Variants in ATXN10 observed in about 807,000 individuals in gnomAD.
ATXN10 encodes the protein ataxin 10.
Under a neutral mutation model 52.9 loss-of-function variants are expected in ATXN10, and 28 were observed. That is an observed-to-expected ratio of 0.53 (90% CI 0.39 to 0.73). ATXN10 has a LOEUF of 0.73. Among genes scored for constraint, ATXN10 ranks in the 30% least tolerant of loss-of-function variants. The pLI is 0.00. For missense variants in ATXN10, 565 were observed against 577.0 expected (o/e 0.98, Z 0.21); for synonymous variants, 226 against 221.5 (o/e 1.02, Z -0.18).
Position 45,769,760 on chromosome 22 carries a change from A to G in ATXN10, c.1173+29222A>G, listed in dbSNP as rs1161886730. On this transcript the variant is annotated intron_variant, in intron 9 of 11. Coordinates refer to ENST00000252934, the MANE Select transcript of ATXN10 (RefSeq NM_013236.4). The surrounding 1 kb of genome is among the most constrained non-coding windows in gnomAD (Gnocchi z 4.2). ...TTGCCTTCTCGAGTAGCCTGACAAG[A>G]TGTCTGCCAGGTGCTCAGAAAATAT... Among the ~76,000 whole-genome samples, 3 of 152,138 alleles carry G rather than the reference A, an allele frequency of 2.0e-5. No homozygotes were observed. Among genetic ancestry groups the G allele is most frequent in the Admixed American group, 6.5e-5 (1 of 15,270 alleles).
intron 1 of ATXN10, chr22:45,680,263 CGTT>C (rs1176138021): frequency 2.0e-5 from 3 of 152,136 alleles, no homozygotes; most frequent in African/African-American, 7.2e-5. Flanking sequence ...TTAGCGTTTT[CGTT>C]GTTGGTGTCA....
Position 45,828,701 on chromosome 22 carries a change from C to T in ATXN10, c.1238-14290C>T, listed in dbSNP as rs888090278. Among the ~76,000 whole-genome samples the T allele has an allele frequency of 1.3e-5, 2 of 151,996 alleles. No homozygotes were observed. The highest frequency in any genetic ancestry group is 6.6e-5 in the Admixed American group (1 of 15,258). On this transcript the variant is annotated intron_variant, in intron 10 of 11. Transcript: ENST00000252934. The surrounding 1 kb of genome is among the most constrained non-coding windows in gnomAD (Gnocchi z 4.5). ...AACCTATTATAAAATATGGATAGACCTAGTTATAGTAAGTACTATAGTAAG... is the reference window on the plus strand; with the variant it reads ...AACCTATTATAAAATATGGATAGACTTAGTTATAGTAAGTACTATAGTAAG...
In ATXN10 at chr22:45,701,025, G is replaced by A. The variant is rs185626411; in HGVS notation, c.488+647G>A. On this transcript the variant is annotated intron_variant, in intron 4 of 11. Transcript: ENST00000252934. The surrounding 1 kb of genome is among the most constrained non-coding windows in gnomAD (Gnocchi z 4.2). The stretch of plus-strand genomic sequence containing the variant: ...AAGAAATTGAGCATTGAGGTAAAAG[G>A]TGAGCAGGGAATAGAGTCAGTATAC... Among the ~76,000 whole-genome samples the A allele has an allele frequency of 2.6e-5, 4 of 152,300 alleles. No individual in the cohort carries two copies. In the East Asian group the frequency reaches 7.7e-4, roughly 29 times the overall value.
At chr22:45,749,596 C>G (rs569918877) in intron 9 of ATXN10, among the ~76,000 whole-genome samples, 2 of 151,958 alleles carry the variant, frequency 1.3e-5, no homozygotes, top group East Asian at 1.9e-4. Context: ...GGGTCTTGCT[C>G]TGTTGCTCAG....
chr22:45,696,810 T>C lies in ATXN10; in HGVS notation c.392-3472T>C, dbSNP rs866050923. Among the ~76,000 whole-genome samples the C allele has an allele frequency of 6.6e-6, 1 of 152,326 alleles. No homozygotes were observed. The highest frequency in any genetic ancestry group is 1.5e-5 in the Non-Finnish European group (1 of 68,024). The stretch of plus-strand genomic sequence containing the variant: ...CAGGATTACTTTCCACTGAAGCAGG[T>C]AGATGACCTAAGAAAAAATTTAACG... On this transcript the variant is annotated intron_variant, in intron 3 of 11. Coordinates refer to ENST00000252934, the MANE Select transcript of ATXN10 (RefSeq NM_013236.4). The surrounding 1 kb of genome is among the most constrained non-coding windows in gnomAD (Gnocchi z 4.7).
At chr22:45,753,318 G>A (rs542481443) in intron 9 of ATXN10, among the ~76,000 whole-genome samples, 15 of 146,042 alleles carry the variant, frequency 1.0e-4, no homozygotes, top group African/African-American at 3.8e-4. Context: ...TATTCACAGA[G>A]CGATTTGCTT....
chr22:45,748,137 C>T (rs1305192342), intron 9 of ATXN10, among the ~76,000 whole-genome samples: 2 of 151,874 alleles, frequency 1.3e-5, no homozygotes, highest in African/African-American at 2.4e-5. Flanking sequence ...CGTGATCGTG[C>T]CACTGCACTC....
At position 45,697,715 on chromosome 22, in the gene ATXN10, C is replaced by T. The variant is rs543394325; in HGVS notation, c.392-2567C>T. Among the ~76,000 whole-genome samples, 387 of 152,258 alleles carry T rather than the reference C, an allele frequency of 2.5e-3. 3 individuals are homozygous for T. Among genetic ancestry groups the T allele is most frequent in the African/African-American group, 8.7e-3 (362 of 41,560 alleles). Reference sequence around the variant, plus strand: ...GGCGATCTCGGCTCACTGCAGGCTCCGCCCCCTGGGGTTCACGCCATTCTC... The same window carrying T: ...GGCGATCTCGGCTCACTGCAGGCTCTGCCCCCTGGGGTTCACGCCATTCTC... On this transcript the variant is annotated intron_variant, in intron 3 of 11. Transcript: ENST00000252934.
intron 9 of ATXN10, 190 bp downstream of exon 9, chr22:45,740,728 A>C: frequency 2.5e-6 from 1 of 399,480 alleles, no homozygotes; most frequent in Non-Finnish European, 4.3e-6. Context: ...ACATATATAT[A>C]CACACACACA....
At chr22:45,797,001 T>C (rs542713023) in intron 9 of ATXN10, among the ~76,000 whole-genome samples, 1 of 152,322 alleles carries the variant, frequency 6.6e-6, no homozygotes, top group East Asian at 1.9e-4. Context: ...TGATATTTCA[T>C]AATGATTAAA....
chr22:45,748,245 C>T (rs937193191), intron 9 of ATXN10, among the ~76,000 whole-genome samples: 4 of 152,014 alleles, frequency 2.6e-5, no homozygotes, highest in Non-Finnish European at 5.9e-5. Context: ...CGTGTCCCTC[C>T]TCTTACCCTC....
intron 9 of ATXN10, among the ~76,000 whole-genome samples, chr22:45,751,527 G>A (rs1460152393): frequency 1.3e-5 from 2 of 151,758 alleles, no homozygotes; most frequent in Non-Finnish European, 2.9e-5. Context: ...TAAAGGAATA[G>A]GCATTTGAAT....
rs1307366621 is a variant in ATXN10 at position 45,684,335 on chromosome 22, G to C, written c.117-5377G>C. ...ATGTGATGAGGACAGTGGGAAAGAG[G>C]AAGTGTGTGGTTTTTGGGGAGTGGG... On this transcript the variant is annotated intron_variant, in intron 1 of 11. Coordinates refer to ENST00000252934, the MANE Select transcript of ATXN10 (RefSeq NM_013236.4). This position sits in a 1 kb window ranked among gnomAD's most constrained non-coding sequence, Gnocchi z 4.1. Among the ~76,000 whole-genome samples, 1 of 152,082 alleles carries C rather than the reference G, an allele frequency of 6.6e-6. No individual in the cohort carries two copies. The highest frequency in any genetic ancestry group is 2.4e-5 in the African/African-American group (1 of 41,408).
At chr22:45,838,104 T>G (rs779939757) in intron 10 of ATXN10, among the ~76,000 whole-genome samples, 5 of 152,262 alleles carry the variant, frequency 3.3e-5, no homozygotes, top group Non-Finnish European at 7.3e-5. Context: ...CTTACCTGAC[T>G]GTACTTTAAA....
chr22:45,824,115 C>T lies in ATXN10; in HGVS notation c.1237+17093C>T, dbSNP rs1928742536. ...CCTTCCTACCTTCCTTTGCCTTCCC[C>T]ACGCTCTTACCTGCTGAGTGTAGTC... On this transcript the variant is annotated intron_variant, in intron 10 of 11. Transcript: ENST00000252934. The surrounding 1 kb of genome is among the most constrained non-coding windows in gnomAD (Gnocchi z 5.2). 6.6e-6 allele frequency among the ~76,000 whole-genome samples: 1 copy of T among 152,110 alleles called. No homozygotes were observed. Among genetic ancestry groups the T allele is most frequent in the Non-Finnish European group, 1.5e-5 (1 of 68,014 alleles).
rs775229343 is a variant in ATXN10, at chr22:45,843,143, C to G, written c.1390C>G (p.Leu464Val). 2.2e-5 allele frequency: 36 copies of G among 1,614,088 alleles called. No homozygotes were observed. The highest frequency in any genetic ancestry group is 3.0e-5 in the Non-Finnish European group (35 of 1,179,946). Reference sequence around the variant, plus strand: ...TGAAGTTGAAAAGAAAGGCGAAAAGCTGATCCTGAAATCTACTAGAGACAC... The same window carrying G: ...TGAAGTTGAAAAGAAAGGCGAAAAGGTGATCCTGAAATCTACTAGAGACAC... ...GFEVEKKGEK[L>V]ILKSTRDTPK... The change falls in exon 11 of 12, where the codon CTG (leucine) becomes GTG (valine). Residue 464 changes from leucine to valine, a missense_variant. Coordinates refer to ENST00000252934, the MANE Select transcript of ATXN10 (RefSeq NM_013236.4). This position sits in a 1 kb window ranked among gnomAD's most constrained non-coding sequence, Gnocchi z 4.5.
At chr22:45,689,399 G>A in intron 1 of ATXN10, 1 of 393,052 alleles carries the variant, frequency 2.5e-6, no homozygotes, top group Non-Finnish European at 4.8e-6. Context: ...CCAGTTACTG[G>A]CTGAGTGATT....
chr22:45,768,285 A>T (rs1199806636), intron 9 of ATXN10, among the ~76,000 whole-genome samples: 2 of 152,102 alleles, frequency 1.3e-5, no homozygotes, highest in East Asian at 1.9e-4. Context: ...GGACATATAG[A>T]TGTACAAGAA....
Position 45,770,437 on chromosome 22 carries a change from G to T in ATXN10, c.1173+29899G>T, listed in dbSNP as rs533720985. On this transcript the variant is annotated intron_variant, in intron 9 of 11. Transcript: ENST00000252934. This position sits in a 1 kb window ranked among gnomAD's most constrained non-coding sequence, Gnocchi z 4.5. Reference sequence around the variant, plus strand: ...ATATACACACTAATGGGACACACACGTGTGTTTCTGTGTCTGTGAATGTGT... The same window carrying T: ...ATATACACACTAATGGGACACACACTTGTGTTTCTGTGTCTGTGAATGTGT... Among the ~76,000 whole-genome samples, 2 of 152,220 alleles carry T rather than the reference G, an allele frequency of 1.3e-5. No homozygotes were observed. Among genetic ancestry groups the T allele is most frequent in the Admixed American group, 6.5e-5 (1 of 15,284 alleles).
Sources: allele counts gnomAD v4.1 joint callset (sites outside exome capture counted in the v4.1 genomes callset), GRCh38; gene constraint gnomAD v4.1.1; non-coding constraint Gnocchi (gnomAD v3.1); transcripts MANE v1.5; gene names NCBI Gene and HGNC (gene_info 2026-07-23, HGNC 2026-07-21).